The following CHST9 variants were observed in gnomAD, a reference collection of about 807,000 sequenced individuals.
CHST9 encodes the protein carbohydrate sulfotransferase 9, also known as GalNAc-4-sulfotransferase 2.
A neutral mutation model predicts 44.4 loss-of-function variants in CHST9; 41 were observed. The observed-to-expected ratio is 0.92, with a 90% confidence interval of 0.72 to 1.20. The LOEUF is 1.20. Ranked by LOEUF, CHST9 falls within the 50% of genes most tolerant of loss-of-function variation. The pLI is 0.00. For missense variants in CHST9, 504 were observed against 516.5 expected, an observed-to-expected ratio of 0.98 and a Z score of 0.23; for synonymous variants, 171 against 178.4, an observed-to-expected ratio of 0.96 and a Z score of 0.33.
chr18:26,906,625 G>A lies in CHST9; in HGVS notation c.*9634C>T, dbSNP rs576405511. ...TGAGAGAAGTTAAAGCAATTTCAGA[G>A]GTCCCAACATTTGAAAGTTGAGGAT... is the stretch of plus-strand genomic sequence containing the variant. On this transcript the variant is annotated 3_prime_UTR_variant, in exon 6 of 6. Coordinates refer to ENST00000618847, the MANE Select transcript of CHST9 (RefSeq NM_031422.6). The A allele has an allele frequency of 1.6e-4, 24 of 152,260 alleles. No homozygotes were observed. Among genetic ancestry groups the A allele is most frequent in the African/African-American group, 4.8e-4 (20 of 41,534 alleles). The allele number at this position is 152,260 out of a possible 1,614,324, so 9.4% of individuals were successfully genotyped here.
At chr18:27,184,219 C>G (rs954595524) in intron 1 of CHST9, among the ~76,000 whole-genome samples, 4 of 152,090 alleles carry the variant, frequency 2.6e-5, no homozygotes, top group African/African-American at 9.7e-5. Context: ...CCATCGCTTT[C>G]AAAACGCTGG....
intron 4 of CHST9, among the ~76,000 whole-genome samples, chr18:26,975,704 T>TATATATATATATAA (rs1568117287): frequency 3.2e-4 from 14 of 43,150 alleles, no homozygotes; most frequent in African/African-American, 1.5e-3. Context: ...TATATATGTG[T>TATATATATATATAA]ATATATGTGT....
intron 5 of CHST9, among the ~76,000 whole-genome samples, chr18:26,918,530 A>G (rs1598551688): frequency 1.3e-5 from 2 of 151,860 alleles, no homozygotes; most frequent in African/African-American, 4.8e-5. Context: ...GTACATATAT[A>G]TGTGTGTGTG....
At chr18:26,981,992 C>G (rs1173223806) in intron 4 of CHST9, among the ~76,000 whole-genome samples, 1 of 152,198 alleles carries the variant, frequency 6.6e-6, no homozygotes, top group African/African-American at 2.4e-5. Flanking sequence ...ATCCTCCACA[C>G]AGCAGTCAGA....
At chr18:26,955,856 A>G (rs1167590015) in intron 4 of CHST9, among the ~76,000 whole-genome samples, 5 of 152,162 alleles carry the variant, frequency 3.3e-5, no homozygotes, top group African/African-American at 1.2e-4. Context: ...GTAACAGGGC[A>G]ATCTTCCAGT....
chr18:26,934,214 A>C (rs1598571214), intron 5 of CHST9: 1 of 152,336 alleles, frequency 6.6e-6, no homozygotes, highest in Non-Finnish European at 1.5e-5. Flanking sequence ...CAGGTACAGA[A>C]GTAATTTACA....
intron 4 of CHST9, among the ~76,000 whole-genome samples, chr18:26,997,573 C>T (rs567330407): frequency 6.6e-6 from 1 of 152,124 alleles, no homozygotes; most frequent in African/African-American, 2.4e-5. Context: ...GACAATAATG[C>T]CATGGGAAAG....
intron 3 of CHST9, among the ~76,000 whole-genome samples, chr18:27,046,077 A>G (rs1297024839): frequency 6.6e-6 from 1 of 152,146 alleles, no homozygotes; most frequent in Non-Finnish European, 1.5e-5. Flanking sequence ...CAAAATTAGA[A>G]AAAACGTTGG....
chr18:27,046,086 G>A (rs937418415), intron 3 of CHST9, among the ~76,000 whole-genome samples: 5 of 151,930 alleles, frequency 3.3e-5, no homozygotes, highest in Admixed American at 6.6e-5. Flanking sequence ...AAAAAACGTT[G>A]GCAATGATTT....
intron 2 of CHST9, among the ~76,000 whole-genome samples, chr18:27,074,581 A>C (rs1426452919): frequency 6.6e-6 from 1 of 152,104 alleles, no homozygotes; most frequent in Non-Finnish European, 1.5e-5. Flanking sequence ...CATCCTCCTG[A>C]CTACCTGTCT....
intron 4 of CHST9, among the ~76,000 whole-genome samples, chr18:26,963,685 CTT>C (rs1224867422): frequency 6.6e-6 from 1 of 151,884 alleles, no homozygotes; most frequent in Admixed American, 6.6e-5. Context: ...AGATCACAAA[CTT>C]GGGTGTCAGT....
At chr18:26,998,318 G>A (rs889148097) in intron 4 of CHST9, among the ~76,000 whole-genome samples, 1 of 152,174 alleles carries the variant, frequency 6.6e-6, no homozygotes, top group Non-Finnish European at 1.5e-5. Flanking sequence ...ATCTGATACT[G>A]AGATAGACAC....
At chr18:26,919,592 G>A (rs1455648844) in intron 5 of CHST9, among the ~76,000 whole-genome samples, 4 of 152,032 alleles carry the variant, frequency 2.6e-5, no homozygotes, top group Middle Eastern at 3.2e-3. Flanking sequence ...TAATCCCAGG[G>A]ACCTGGTGAA....
chr18:27,124,505 A>G (rs749660415), intron 2 of CHST9, among the ~76,000 whole-genome samples: 4 of 152,242 alleles, frequency 2.6e-5, no homozygotes, highest in Non-Finnish European at 5.9e-5. Context: ...CAAAAGGACC[A>G]GAAACAGAAT....
At chr18:27,103,819 A>G (rs2058196353) in intron 2 of CHST9, among the ~76,000 whole-genome samples, 1 of 152,186 alleles carries the variant, frequency 6.6e-6, no homozygotes, top group Admixed American at 6.5e-5. Flanking sequence ...AATTGGAATT[A>G]ATGCTTTTCT....
intron 5 of CHST9, chr18:26,925,846 T>C (rs1338688941): frequency 6.6e-6 from 1 of 152,234 alleles, no homozygotes; most frequent in African/African-American, 2.4e-5. Flanking sequence ...AATTTCTATA[T>C]GATAAGCAGT....
chr18:27,087,667 G>C (rs1338855849), intron 2 of CHST9, among the ~76,000 whole-genome samples: 3 of 152,138 alleles, frequency 2.0e-5, no homozygotes, highest in Non-Finnish European at 4.4e-5. Flanking sequence ...AAATCAGTTG[G>C]AACACTATCC....
At chr18:27,147,691 T>A (rs2058624498) in intron 1 of CHST9, 1 of 152,300 alleles carries the variant, frequency 6.6e-6, no homozygotes. Context: ...GCCTCTATCT[T>A]TTCCAGGTTC....
chr18:27,100,844 A>C (rs1042008737), intron 2 of CHST9, among the ~76,000 whole-genome samples: 2 of 152,212 alleles, frequency 1.3e-5, no homozygotes, highest in African/African-American at 4.8e-5. Flanking sequence ...ATGAACAGGA[A>C]GAACTTACAG....
Sources: gnomAD v4.1 joint callset for allele counts (sites outside exome capture counted in the v4.1 genomes callset) on GRCh38, gnomAD v4.1.1 for gene constraint, MANE v1.5 for transcripts, NCBI Gene and HGNC (gene_info 2026-07-23, HGNC 2026-07-21) for gene names.